OR2AJ1: variants seen among roughly 807,000 people sequenced by gnomAD.
The protein encoded by OR2AJ1 is olfactory receptor 2AJ1.
For missense variants in OR2AJ1, 280 were observed against 163.2 expected, an observed-to-expected ratio of 1.72 and a Z score of -3.90; for synonymous variants, 105 against 60.3, an observed-to-expected ratio of 1.74 and a Z score of -3.44.
rs1306695572 is a variant in OR2AJ1, at chr1:247,934,741, C to T, written c.973C>T (p.Leu325=). 4 of 703,848 alleles carry T rather than the reference C, an allele frequency of 5.7e-6. No individual in the cohort carries two copies. In the East Asian group the frequency reaches 8.0e-5, roughly 14 times the overall value. The allele number at this position is 703,848 out of a possible 1,614,324, so 43.6% of individuals were successfully genotyped here. A position where few individuals can be genotyped will look rare whatever the true frequency, so the allele number is the denominator to read the frequency against. Residue 325 remains leucine, a synonymous_variant, in exon 2 of 2, where the codon CTA becomes TTA. Coordinates refer to ENST00000318244, the MANE Select transcript of OR2AJ1 (RefSeq NM_001355235.2). The part of the protein sequence containing the change: ...NRKIPECVFC[L]FLC The stretch of plus-strand genomic sequence containing the variant: ...GAAAATTCCTGAATGTGTGTTCTGT[C>T]TATTTCTATGTTAAATGCCTGAAGG...
At chr1:247,929,806 G>A (rs560927375) in intron 1 of OR2AJ1, among the ~76,000 whole-genome samples, 1 of 152,036 alleles carries the variant, frequency 6.6e-6, no homozygotes, top group South Asian at 2.1e-4. Flanking sequence ...ATATTTTTGG[G>A]ATATTGCATT....
Position 247,934,428 on chromosome 1 carries a change from A to G in OR2AJ1, c.660A>G (p.Gln220=), listed in dbSNP as rs1387834130. ...PFSLISASYG[Q]IILTVLQMKS... ...CCTTGATCTCTGCTTCTTATGGCCAAATTATTCTTACTGTCCTCCAGATGA... is the reference window on the plus strand; with the variant it reads ...CCTTGATCTCTGCTTCTTATGGCCAGATTATTCTTACTGTCCTCCAGATGA... Residue 220 remains glutamine (Q), a synonymous_variant, in exon 2 of 2, where the codon CAA becomes CAG. Transcript: ENST00000318244. 1.4e-6 allele frequency: 1 copy of G among 717,542 alleles called. No individual in the cohort carries two copies. The highest frequency in any genetic ancestry group is 2.6e-6 in the Non-Finnish European group (1 of 385,140). 44.4% of individuals were successfully genotyped at this position (717,542 alleles called of 1,614,324 possible).
chr1:247,929,365 CAT>C (rs879354980), intron 1 of OR2AJ1, among the ~76,000 whole-genome samples: 37 of 152,036 alleles, frequency 2.4e-4, no homozygotes, highest in African/African-American at 8.7e-4. Flanking sequence ...TACATTCTAT[CAT>C]ATCCTGAATC....
In OR2AJ1 at chr1:247,933,723, TATTA is replaced by T. The variant is rs1660178687; in HGVS notation, c.-22-20_-22-17del. On this transcript the variant is annotated intron_variant, in intron 1 of 1. Transcript: ENST00000318244. Reference sequence around the variant, plus strand: ...ATTTACACTAATATTTTTTCTTTATTATTAATTCATTATTTCTTTTTAGGTTAAA... The same window carrying T: ...ATTTACACTAATATTTTTTCTTTATTATTCATTATTTCTTTTTAGGTTAAA... 4 of 562,892 alleles carry T rather than the reference TATTA, an allele frequency of 7.1e-6. No homozygotes were observed. Among genetic ancestry groups the T allele is most frequent in the Admixed American group, 3.5e-5 (1 of 28,474 alleles). The allele number at this position is 562,892 out of a possible 1,614,324, so 34.9% of individuals were successfully genotyped here. A position where few individuals can be genotyped will look rare whatever the true frequency, so the allele number is the denominator to read the frequency against.
At chr1:247,928,949 C>T (rs1449787584) in intron 1 of OR2AJ1, among the ~76,000 whole-genome samples, 1 of 152,082 alleles carries the variant, frequency 6.6e-6, no homozygotes, top group Non-Finnish European at 1.5e-5. Context: ...AAAAAATTAT[C>T]CGGGCGTGGT....
Position 247,934,585 on chromosome 1 carries a change from T to C in OR2AJ1, c.817T>C (p.Phe273Leu), listed in dbSNP as rs942635913. 2 of 717,754 alleles carry C rather than the reference T, an allele frequency of 2.8e-6. No homozygotes were observed. Among genetic ancestry groups the C allele is most frequent in the Non-Finnish European group, 5.2e-6 (2 of 385,182 alleles). The allele number at this position is 717,754 out of a possible 1,614,324, so 44.5% of individuals were successfully genotyped here. A position where few individuals can be genotyped will look rare whatever the true frequency, so the allele number is the denominator to read the frequency against. The change falls in exon 2 of 2, where the codon TTC becomes CTC. Residue 273 changes from phenylalanine (F) to leucine (L), a missense_variant. By Grantham distance (22) the Phe-to-Leu change is conservative (BLOSUM62 0). Transcript: ENST00000318244. ...ATACCACACTCCAGGCCAGGATAAG[T>C]TCCTGGCAATATTCTATACGATCCT... Reference protein sequence around the residue: ...KSYHTPGQDKFLAIFYTILTP... With the variant: ...KSYHTPGQDKLLAIFYTILTP...
intron 1 of OR2AJ1, among the ~76,000 whole-genome samples, chr1:247,932,262 G>C (rs1660162363): frequency 6.6e-6 from 1 of 152,188 alleles, no homozygotes; most frequent in African/African-American, 2.4e-5. Flanking sequence ...CTTGACTCCA[G>C]GAGGCTGAGG....
At chr1:247,928,154 C>T (rs1166575011) in intron 1 of OR2AJ1, among the ~76,000 whole-genome samples, 2 of 152,158 alleles carry the variant, frequency 1.3e-5, no homozygotes. Context: ...GTCTCTTTCT[C>T]TACATCCTCA....
At chr1:247,930,756 C>T (rs1296474259) in intron 1 of OR2AJ1, among the ~76,000 whole-genome samples, 4 of 151,584 alleles carry the variant, frequency 2.6e-5, no homozygotes, top group African/African-American at 4.8e-5. Flanking sequence ...CACACCCAAA[C>T]ACACACACAC....
At chr1:247,929,583 T>C (rs1423531823) in intron 1 of OR2AJ1, among the ~76,000 whole-genome samples, 2 of 144,496 alleles carry the variant, frequency 1.4e-5, no homozygotes, top group Non-Finnish European at 3.0e-5. Flanking sequence ...CCAGGCTCTA[T>C]TCCCCCCCTT....
intron 1 of OR2AJ1, among the ~76,000 whole-genome samples, chr1:247,929,556 T>C (rs2103005494): frequency 6.6e-6 from 1 of 151,642 alleles, no homozygotes; most frequent in African/African-American, 2.4e-5. Context: ...ATAATCATCC[T>C]GAGTATTGAC....
In OR2AJ1 at chr1:247,934,965, G is replaced by A. The variant is rs1660201372; in HGVS notation, c.*210G>A. ...GTTACAGGAAGTAGAAGTTACCCAA[G>A]GCGTCCTATTCCCTAACACCAAAAT... On this transcript the variant is annotated 3_prime_UTR_variant, in exon 2 of 2. Coordinates refer to ENST00000318244, the MANE Select transcript of OR2AJ1 (RefSeq NM_001355235.2). 1 of 458,498 alleles carries A rather than the reference G, an allele frequency of 2.2e-6. No homozygotes were observed. Among genetic ancestry groups the A allele is most frequent in the African/African-American group, 2.0e-5 (1 of 49,664 alleles). The allele number at this position is 458,498 out of a possible 1,614,324, so 28.4% of individuals were successfully genotyped here. A position where few individuals can be genotyped will look rare whatever the true frequency, so the allele number is the denominator to read the frequency against.
chr1:247,934,786 T>A lies in OR2AJ1; in HGVS notation c.*31T>A. ...TGAAGGATACTCATGAGAGGTTTCC[T>A]AGAAAGAAATCAAAGCTTCTATCTT... On this transcript the variant is annotated 3_prime_UTR_variant, in exon 2 of 2. Coordinates refer to ENST00000318244, the MANE Select transcript of OR2AJ1 (RefSeq NM_001355235.2). The A allele has an allele frequency of 1.6e-6, 1 of 636,820 alleles. No individual in the cohort carries two copies. The highest frequency in any genetic ancestry group is 1.8e-5 in the South Asian group (1 of 54,710). 39.4% of individuals were successfully genotyped at this position (636,820 alleles called of 1,614,324 possible). A position where few individuals can be genotyped will look rare whatever the true frequency, so the allele number is the denominator to read the frequency against.
chr1:247,929,473 T>A (rs1258923224), intron 1 of OR2AJ1, among the ~76,000 whole-genome samples: 2 of 152,066 alleles, frequency 1.3e-5, no homozygotes, highest in East Asian at 1.9e-4. Flanking sequence ...TACATGTGTA[T>A]TTAAGAAACA....
At chr1:247,933,204 C>T (rs1156655132) in intron 1 of OR2AJ1, among the ~76,000 whole-genome samples, 1 of 152,196 alleles carries the variant, frequency 6.6e-6, no homozygotes, top group Non-Finnish European at 1.5e-5. Flanking sequence ...ATGCACTAGG[C>T]TCTGTTCCAG....
rs73137498 is a variant in OR2AJ1 at position 247,935,058 on chromosome 1, T to C, written c.*303T>C. ...CCATTGTATAAAAGACAAATCCATG[T>C]TTATTTTTATAAAACTTTGTTAAAT... On this transcript the variant is annotated 3_prime_UTR_variant, in exon 2 of 2. Transcript: ENST00000318244. 0.028 allele frequency: 5,855 copies of C among 206,060 alleles called. 344 individuals carry two copies. The highest frequency in any genetic ancestry group is 0.12 in the African/African-American group (5,443 of 43,762). 12.8% of individuals were successfully genotyped at this position (206,060 alleles called of 1,614,324 possible). A position where few individuals can be genotyped will look rare whatever the true frequency, so the allele number is the denominator to read the frequency against.
intron 1 of OR2AJ1, among the ~76,000 whole-genome samples, chr1:247,932,609 A>G (rs1338769739): frequency 1.3e-5 from 2 of 152,200 alleles, no homozygotes; most frequent in Admixed American, 1.3e-4. Context: ...ATTTTATTCA[A>G]ACAAGTAGTT....
chr1:247,929,329 T>C (rs987866683), intron 1 of OR2AJ1, among the ~76,000 whole-genome samples: 1 of 152,170 alleles, frequency 6.6e-6, no homozygotes, highest in African/African-American at 2.4e-5. Context: ...GATTCACGCA[T>C]TATATTGTAC....
At position 247,934,925 on chromosome 1, in the gene OR2AJ1, T is replaced by C; in HGVS notation, c.*170T>C. Reference sequence around the variant, plus strand: ...GTAGTGTTCCTTCTGTGGTACCAATTATAATCATGCAACAGTTACAGGAAG... The same window carrying C: ...GTAGTGTTCCTTCTGTGGTACCAATCATAATCATGCAACAGTTACAGGAAG... On this transcript the variant is annotated 3_prime_UTR_variant, in exon 2 of 2. Coordinates refer to ENST00000318244, the MANE Select transcript of OR2AJ1 (RefSeq NM_001355235.2). 1 of 545,028 alleles carries C rather than the reference T, an allele frequency of 1.8e-6. No individual in the cohort carries two copies. The highest frequency in any genetic ancestry group is 3.2e-6 in the Non-Finnish European group (1 of 311,420). 33.8% of individuals were successfully genotyped at this position (545,028 alleles called of 1,614,324 possible).
Sources: allele counts gnomAD v4.1 joint callset (sites outside exome capture counted in the v4.1 genomes callset), GRCh38; gene constraint gnomAD v4.1.1; transcripts MANE v1.5; gene names NCBI Gene and HGNC (gene_info 2026-07-23, HGNC 2026-07-21).